Variants in PRR16 observed in about 807,000 individuals in gnomAD.
PRR16 encodes the protein protein Largen.
Under a neutral mutation model 18.2 loss-of-function variants are expected in PRR16, and 6 were observed. That is an observed-to-expected ratio of 0.33 (90% CI 0.18 to 0.65). The LOEUF (loss-of-function observed/expected upper bound fraction) is 0.65, where lower values mean the gene tolerates loss of function less well. Among genes scored for constraint, PRR16 ranks in the 30% least tolerant of loss-of-function variants. The probability of loss-of-function intolerance (pLI) is 0.74; values close to 1 mark genes in which losing one functional copy is unlikely to be tolerated. For synonymous variants in PRR16, 151 were observed against 147.8 expected, an observed-to-expected ratio of 1.02 and a Z score of -0.16; for missense variants, 412 against 376.6, an observed-to-expected ratio of 1.09 and a Z score of -0.78.
intron 1 of PRR16, among the ~76,000 whole-genome samples, chr5:120,492,892 A>G (rs1750110379): frequency 1.3e-5 from 2 of 152,190 alleles, no homozygotes; most frequent in African/African-American, 2.4e-5. Context: ...ACATTATTTC[A>G]TTCCTTTTTA....
At chr5:120,470,819 T>C (rs961682150) in intron 1 of PRR16, among the ~76,000 whole-genome samples, 2 of 152,164 alleles carry the variant, frequency 1.3e-5, no homozygotes, top group Non-Finnish European at 2.9e-5. Context: ...CCCAACTCAC[T>C]TGTCTTGTAA....
intron 1 of PRR16, among the ~76,000 whole-genome samples, chr5:120,558,476 A>G (rs1197187476): frequency 6.6e-6 from 1 of 151,880 alleles, no homozygotes; most frequent in Non-Finnish European, 1.5e-5. Flanking sequence ...AAAATACAGG[A>G]TGTCATTATT....
the PRR16 span, among the ~76,000 whole-genome samples, chr5:120,701,151 C>T: frequency 6.6e-6 from 1 of 152,148 alleles, no homozygotes; most frequent in Non-Finnish European, 1.5e-5. Flanking sequence ...TGGGGTTTGT[C>T]TCACAGTGGA....
the PRR16 span, among the ~76,000 whole-genome samples, chr5:120,774,124 T>C: frequency 6.6e-6 from 1 of 152,092 alleles, no homozygotes; most frequent in African/African-American, 2.4e-5. Context: ...AGGTTGAGTA[T>C]TTAATTTCTT....
the PRR16 span, among the ~76,000 whole-genome samples, chr5:120,791,844 A>T: frequency 6.6e-6 from 1 of 152,152 alleles, no homozygotes; most frequent in African/African-American, 2.4e-5. Context: ...CTGTACACTT[A>T]AATTGGTTTA....
chr5:120,722,969 A>T, the PRR16 span, among the ~76,000 whole-genome samples: 1 of 151,506 alleles, frequency 6.6e-6, no homozygotes, highest in Non-Finnish European at 1.5e-5. Context: ...TATATATATA[A>T]TAAGCTATAA....
At chr5:120,708,372 C>A in the PRR16 span, among the ~76,000 whole-genome samples, 1 of 152,154 alleles carries the variant, frequency 6.6e-6, no homozygotes, top group Non-Finnish European at 1.5e-5. Context: ...AGTTATTTAT[C>A]TCAACTTTTC....
the PRR16 span, among the ~76,000 whole-genome samples, chr5:120,770,466 A>G: frequency 6.6e-6 from 1 of 152,178 alleles, no homozygotes; most frequent in East Asian, 1.9e-4. Flanking sequence ...AAACTATAAA[A>G]CTACCAGACA....
At chr5:120,793,664 G>A in the PRR16 span, among the ~76,000 whole-genome samples, 3 of 152,078 alleles carry the variant, frequency 2.0e-5, no homozygotes, top group South Asian at 2.1e-4. Flanking sequence ...AAAACAGTAC[G>A]AAGAGTAAAA....
At chr5:120,793,690 A>G in the PRR16 span, among the ~76,000 whole-genome samples, 3 of 152,218 alleles carry the variant, frequency 2.0e-5, no homozygotes, top group African/African-American at 4.8e-5. Flanking sequence ...AGAAGGGTAA[A>G]AACAGTTAAG....
chr5:120,524,808 C>T (rs761362086), intron 1 of PRR16, among the ~76,000 whole-genome samples: 7 of 152,026 alleles, frequency 4.6e-5, no homozygotes, highest in Non-Finnish European at 8.8e-5. Context: ...TAAATATATA[C>T]ACCTACTATG....
At chr5:120,570,889 A>T (rs1436231918) in intron 1 of PRR16, among the ~76,000 whole-genome samples, 1 of 152,178 alleles carries the variant, frequency 6.6e-6, no homozygotes, top group Admixed American at 6.5e-5. Flanking sequence ...TATGAATACA[A>T]TAAAATTATA....
At chr5:120,780,483 A>G in the PRR16 span, among the ~76,000 whole-genome samples, 1 of 152,152 alleles carries the variant, frequency 6.6e-6, no homozygotes, top group African/African-American at 2.4e-5. Context: ...AATATTTTCA[A>G]CTTGGATCTA....
At chr5:120,721,641 TA>T in the PRR16 span, among the ~76,000 whole-genome samples, 3 of 152,004 alleles carry the variant, frequency 2.0e-5, no homozygotes, top group African/African-American at 4.8e-5. Context: ...GAAGCCATGT[TA>T]TATGGGACTT....
the PRR16 span, among the ~76,000 whole-genome samples, chr5:120,698,684 G>A: frequency 1.3e-5 from 2 of 151,808 alleles, no homozygotes; most frequent in East Asian, 1.9e-4. Flanking sequence ...CTTAAATGGG[G>A]TGTACCTTGT....
intron 1 of PRR16, among the ~76,000 whole-genome samples, chr5:120,482,410 TAA>T (rs1029989553): frequency 2.0e-5 from 3 of 152,192 alleles, no homozygotes; most frequent in Non-Finnish European, 4.4e-5. Flanking sequence ...GTTAATTTGC[TAA>T]AGATTATGGC....
the PRR16 span, among the ~76,000 whole-genome samples, chr5:120,773,053 C>G: frequency 6.6e-6 from 1 of 152,070 alleles, no homozygotes; most frequent in Admixed American, 6.6e-5. Flanking sequence ...TAGCATGTGT[C>G]TACTTCTGAA....
At chr5:120,697,523 G>C in the PRR16 span, among the ~76,000 whole-genome samples, 1 of 152,160 alleles carries the variant, frequency 6.6e-6, no homozygotes, top group East Asian at 1.9e-4. Context: ...GTTTTAGTAT[G>C]GTTATGTTCA....
the PRR16 span, among the ~76,000 whole-genome samples, chr5:120,738,632 T>C: frequency 6.6e-6 from 1 of 152,142 alleles, no homozygotes; most frequent in African/African-American, 2.4e-5. Flanking sequence ...ATTTTAAAAG[T>C]TCACGGGTTC....
Sources: allele counts gnomAD v4.1 joint callset (sites outside exome capture counted in the v4.1 genomes callset), GRCh38; gene constraint gnomAD v4.1.1; transcripts MANE v1.5; gene names NCBI Gene and HGNC (gene_info 2026-07-23, HGNC 2026-07-21).